PABIR3: variants seen among roughly 807,000 people sequenced by gnomAD.
PABIR3 encodes PABIR family member 1.
In PABIR3, 20 loss-of-function variants were observed where a neutral mutation model predicts 23.1. The ratio of observed to expected loss-of-function variants is 0.86; its 90% CI spans 0.61 to 1.26. The LOEUF is 1.26. Ranked by LOEUF, PABIR3 falls within the 50% of genes most tolerant of loss-of-function variation. The pLI, the probability that PABIR3 is intolerant of heterozygous loss-of-function variation, is 0.00. For missense variants in PABIR3, 189 were observed against 195.4 expected (o/e 0.97, Z 0.20); for synonymous variants, 69 against 68.5 (o/e 1.01, Z -0.04).
intron 3 of PABIR3, 42 bp downstream of exon 3, chrX:134,814,891 G>A (rs1162226140): frequency 9.9e-7 from 1 of 1,007,024 alleles, no homozygotes; most frequent in Non-Finnish European, 1.4e-6. Context: ...TAAGACTTGT[G>A]CTTATTGGTC....
chrX:134,851,769 G>T (rs1478816313), intron 9 of PABIR3, among the ~76,000 whole-genome samples: 1 of 111,595 alleles, frequency 9.0e-6, no homozygotes, highest in African/African-American at 3.3e-5. Context: ...CAAGGCACGG[G>T]ACACCAGACT....
chrX:134,839,431 C>G, intron 4 of PABIR3: 1 of 144,072 alleles, frequency 6.9e-6, no homozygotes, highest in Non-Finnish European at 1.4e-5. Flanking sequence ...ACCGCCCCGT[C>G]TGAGAAGTGA....
intron 9 of PABIR3, among the ~76,000 whole-genome samples, chrX:134,851,907 G>T (rs766073752): frequency 3.6e-5 from 4 of 111,716 alleles, no homozygotes; most frequent in Non-Finnish European, 7.5e-5. Flanking sequence ...CTCAGGTCCA[G>T]AAATGATTAT....
chrX:134,864,629 T>C, the PABIR3 span, among the ~76,000 whole-genome samples: 2 of 112,272 alleles, frequency 1.8e-5, no homozygotes, highest in Non-Finnish European at 3.8e-5. Context: ...CTGTGTTGCT[T>C]CCTCCATCAG....
At chrX:134,825,122 C>T (rs1045522293) in intron 3 of PABIR3, among the ~76,000 whole-genome samples, 2 of 111,342 alleles carry the variant, frequency 1.8e-5, no homozygotes, top group African/African-American at 3.3e-5. Flanking sequence ...TGTTCAATTT[C>T]GCTGTGAACT....
chrX:134,833,081 A>T (rs1353610097), intron 4 of PABIR3: 1 of 111,206 alleles, frequency 9.0e-6, no homozygotes, highest in Non-Finnish European at 1.9e-5. Context: ...TTGGTATTGC[A>T]GTGGGGGGGT....
At position 134,845,217 on chromosome X, in the gene PABIR3, G is replaced by T. The variant is rs747451402; in HGVS notation, c.259G>T (p.Asp87Tyr). The T allele has an allele frequency of 8.4e-7, 1 of 1,193,347 alleles. No homozygotes were observed. Among genetic ancestry groups the T allele is most frequent in the African/African-American group, 1.8e-5 (1 of 56,739 alleles). ...LHQIKQEEAM[D>Y]LINRETMSEW... ...CCTACCTTTACAGGAAGAAGCCATG[G>T]ATTTAATAAATAGAGAAACAATGTC... The change falls in exon 5 of 11, where the codon GAT (aspartate) becomes TAT (tyrosine). Residue 87 changes from aspartate to tyrosine, a missense_variant. By Grantham distance (160) the Asp-to-Tyr change is radical. Transcript: ENST00000645433.
chrX:134,824,718 T>A (rs575477266), intron 3 of PABIR3, among the ~76,000 whole-genome samples: 1 of 111,656 alleles, frequency 9.0e-6, no homozygotes, highest in South Asian at 3.7e-4. Context: ...GAGAAATGCT[T>A]TAACCCAGGA....
At chrX:134,807,496 T>A in intron 1 of PABIR3, 44 bp from the exon 2 acceptor site, 2 of 1,160,863 alleles carry the variant, frequency 1.7e-6, no homozygotes, top group Non-Finnish European at 2.3e-6. Flanking sequence ...CTCTTCTCTT[T>A]TTCCCCTTTG....
At chrX:134,826,682 GC>G (rs1359555897) in intron 3 of PABIR3, among the ~76,000 whole-genome samples, 5 of 111,387 alleles carry the variant, frequency 4.5e-5, no homozygotes, top group Non-Finnish European at 9.4e-5. Context: ...AGTAGTTGTT[GC>G]TAATTGTCAA....
In PABIR3 at chrX:134,845,369, A is replaced by G. The variant is rs1298094299; in HGVS notation, c.313A>G (p.Ile105Val). ...SEWKLQSEIQ[I>V]SHSWEEGLKL... ...TAGGAAGCTACAAAGTGAGATACAG[A>G]TAAGTCACTCTTGGGAAGAAGGCTT... Residue 105 changes from isoleucine (I) to valine (V), a missense_variant, in exon 6 of 11, where the codon ATA becomes GTA. Transcript: ENST00000645433. 3 of 1,205,878 alleles carry G rather than the reference A, an allele frequency of 2.5e-6. No individual in the cohort carries two copies.
chrX:134,809,033 AG>A (rs1164935881), intron 2 of PABIR3, among the ~76,000 whole-genome samples: 1 of 111,531 alleles, frequency 9.0e-6, no homozygotes, highest in African/African-American at 3.3e-5. Context: ...AATTTCACGA[AG>A]GGGGAGCAAT....
upstream of PABIR3, among the ~76,000 whole-genome samples, chrX:134,802,854 T>C (rs1416694879): frequency 8.9e-6 from 1 of 112,557 alleles, no homozygotes; most frequent in Admixed American, 9.3e-5. Flanking sequence ...GACTGAAAAG[T>C]AAAGCAAATT....
At chrX:134,815,041 C>T (rs892858830) in intron 3 of PABIR3, among the ~76,000 whole-genome samples, 192 bp downstream of exon 3, 1 of 111,831 alleles carries the variant, frequency 8.9e-6, no homozygotes, top group Non-Finnish European at 1.9e-5. Flanking sequence ...AACAAGTTCC[C>T]ACTTTGAGAA....
intron 4 of PABIR3, among the ~76,000 whole-genome samples, chrX:134,843,200 G>GA (rs984686476): frequency 8.1e-4 from 82 of 101,732 alleles, no homozygotes; most frequent in African/African-American, 1.1e-3. Context: ...CGCCATCTCA[G>GA]AAAAAAAAAA....
Position 134,830,743 on chromosome X carries a change from G to A in PABIR3, c.246+1461G>A, listed in dbSNP as rs1429225065. On this transcript the variant is annotated intron_variant, in intron 4 of 10. Transcript: ENST00000645433. Reference sequence around the variant, plus strand: ...AAGTTCAAAGGAGTAAAGTGACCTCGTGTTTATCTGTGCAATATGTTTCTT... The same window carrying A: ...AAGTTCAAAGGAGTAAAGTGACCTCATGTTTATCTGTGCAATATGTTTCTT... Among the ~76,000 whole-genome samples, 8 of 111,255 alleles carry A rather than the reference G, an allele frequency of 7.2e-5. 1 individual carries two copies. Among genetic ancestry groups the A allele is most frequent in the Middle Eastern group, 9.3e-3 (2 of 214 alleles).
intron 3 of PABIR3, among the ~76,000 whole-genome samples, chrX:134,823,204 C>G (rs1603208125): frequency 9.0e-6 from 1 of 110,873 alleles, no homozygotes; most frequent in Non-Finnish European, 1.9e-5. Flanking sequence ...TGTAACAAAC[C>G]TTCACATGTA....
At chrX:134,823,859 G>T (rs923847597) in intron 3 of PABIR3, among the ~76,000 whole-genome samples, 1 of 110,106 alleles carries the variant, frequency 9.1e-6, no homozygotes, top group African/African-American at 3.3e-5. Context: ...CAATATTTGG[G>T]GTTCAAAGTA....
rs142174829 is a variant in PABIR3, at chrX:134,822,435, A to C, written c.190-6791A>C. On this transcript the variant is annotated intron_variant, in intron 3 of 10. Coordinates refer to ENST00000645433, the MANE Select transcript of PABIR3 (RefSeq NM_001388447.1). Reference sequence around the variant, plus strand: ...TGATCCACATTTTGTCCAATTAAAAAATTCTTGTAGCTTATGATTCTGTAG... The same window carrying C: ...TGATCCACATTTTGTCCAATTAAAACATTCTTGTAGCTTATGATTCTGTAG... 9.2e-3 allele frequency: 6,923 copies of C among 750,510 alleles called. 25 individuals carry two copies. The highest frequency in any genetic ancestry group is 9.9e-3 in the Non-Finnish European group (6,307 of 637,209). 61.9% of individuals were successfully genotyped at this position (750,510 alleles called of 1,213,427 possible). A position where few individuals can be genotyped will look rare whatever the true frequency, so the allele number is the denominator to read the frequency against.
Sources: allele counts gnomAD v4.1 joint callset (sites outside exome capture counted in the v4.1 genomes callset), GRCh38; gene constraint gnomAD v4.1.1; transcripts MANE v1.5; gene names NCBI Gene and HGNC (gene_info 2026-07-23, HGNC 2026-07-21).